The following FGF6 variants were observed in gnomAD, a reference collection of about 807,000 sequenced individuals.
The protein encoded by FGF6 is FGF-6.
Under a neutral mutation model 18.4 loss-of-function variants are expected in FGF6, and 14 were observed. The ratio of observed to expected loss-of-function variants is 0.76; its 90% CI spans 0.50 to 1.19. The LOEUF (loss-of-function observed/expected upper bound fraction) is 1.19. FGF6 is among the 50% of genes most tolerant of loss of function. The pLI is 0.00. For missense variants in FGF6, 266 were observed against 271.6 expected, an observed-to-expected ratio of 0.98 and a Z score of 0.15; for synonymous variants, 125 against 116.7, an observed-to-expected ratio of 1.07 and a Z score of -0.46.
At chr12:4,443,128 T>C (rs1025754682) in intron 2 of FGF6, among the ~76,000 whole-genome samples, 13 of 152,126 alleles carry the variant, frequency 8.5e-5, no homozygotes, top group African/African-American at 3.1e-4. Context: ...GCACTAAAGA[T>C]TATGGGGTGG....
intron 2 of FGF6, among the ~76,000 whole-genome samples, chr12:4,441,701 C>A (rs771219623): frequency 3.3e-5 from 5 of 152,136 alleles, no homozygotes; most frequent in South Asian, 2.1e-4. Context: ...TTCCCTCCCC[C>A]ACCCATGAGA....
At chr12:4,436,041 C>T (rs916352723) in intron 2 of FGF6, among the ~76,000 whole-genome samples, 5 of 152,272 alleles carry the variant, frequency 3.3e-5, no homozygotes, top group East Asian at 1.9e-4. Flanking sequence ...AAAACCCGCT[C>T]GATGGCTACT....
chr12:4,434,248 G>T lies in FGF6; in HGVS notation c.594C>A (p.Ile198=), dbSNP rs2137024988. 1.2e-6 allele frequency: 2 copies of T among 1,614,184 alleles called. No individual in the cohort carries two copies. The highest frequency in any genetic ancestry group is 1.1e-5 in the South Asian group (1 of 91,076). ...TGGGAAGGAAATGAGTGACAGTCAT[G>T]ATCGGGGACACCTTGCTGCCCCGCT... ...RVKRGSKVSP[I]MTVTHFLPRI The change falls in exon 3 of 3, where the codon ATC becomes ATA. Residue 198 remains isoleucine, a synonymous_variant. Transcript: ENST00000228837.
At position 4,440,337 on chromosome 12, in the gene FGF6, C is replaced by T. The variant is rs78548990; in HGVS notation, c.450+3796G>A. Among the ~76,000 whole-genome samples, 1,044 of 152,278 alleles carry T rather than the reference C, an allele frequency of 6.9e-3. 15 individuals are homozygous for T. Among genetic ancestry groups the T allele is most frequent in the African/African-American group, 0.022 (917 of 41,562 alleles). ...GAGGTGGACAAGACAGCCACCCTCT[C>T]GCCTTTAGAGCTAAGTCACTTGGAC... On this transcript the variant is annotated intron_variant, in intron 2 of 2. Transcript: ENST00000228837.
At chr12:4,437,880 T>G (rs993780817) in intron 2 of FGF6, among the ~76,000 whole-genome samples, 7 of 152,062 alleles carry the variant, frequency 4.6e-5, no homozygotes, top group Non-Finnish European at 8.8e-5. Flanking sequence ...AAGTTTTTTT[T>G]AATAAACTCA....
chr12:4,439,260 G>A (rs17177298), intron 2 of FGF6, among the ~76,000 whole-genome samples: 5,508 of 152,174 alleles, frequency 0.036, 137 homozygotes, highest in Middle Eastern at 0.095. Context: ...GTTGGGTCAC[G>A]GCCCCTCTCC....
chr12:4,442,148 T>G (rs1865699470), intron 2 of FGF6, among the ~76,000 whole-genome samples: 1 of 152,054 alleles, frequency 6.6e-6, no homozygotes, highest in Non-Finnish European at 1.5e-5. Context: ...TCTGCTTGTT[T>G]AGTAAGCCCA....
At chr12:4,442,388 A>G (rs542763578) in intron 2 of FGF6, among the ~76,000 whole-genome samples, 1 of 152,272 alleles carries the variant, frequency 6.6e-6, no homozygotes, top group African/African-American at 2.4e-5. Context: ...AGAGATTGAA[A>G]GTGGGAAGTG....
At chr12:4,442,419 G>A (rs1865702927) in intron 2 of FGF6, among the ~76,000 whole-genome samples, 1 of 152,092 alleles carries the variant, frequency 6.6e-6, no homozygotes, top group East Asian at 1.9e-4. Context: ...CTCTATATTT[G>A]TGCATTTTCT....
chr12:4,440,704 G>A (rs781479183), intron 2 of FGF6, among the ~76,000 whole-genome samples: 4 of 152,192 alleles, frequency 2.6e-5, no homozygotes, highest in South Asian at 2.1e-4. Flanking sequence ...TGTAGCAGGC[G>A]GGGATTTGTA....
chr12:4,435,922 C>T (rs1053413146), intron 2 of FGF6, among the ~76,000 whole-genome samples: 2 of 152,018 alleles, frequency 1.3e-5, no homozygotes, highest in South Asian at 4.1e-4. Flanking sequence ...GCTAGAAGAA[C>T]AGAGAGCGAG....
chr12:4,445,469 C>T lies in FGF6; in HGVS notation c.102G>A (p.Met34Ile). The T allele has an allele frequency of 1.9e-6, 3 of 1,613,300 alleles. No individual in the cohort carries two copies. The highest frequency in any genetic ancestry group is 2.5e-6 in the Non-Finnish European group (3 of 1,179,980). Reference sequence around the variant, plus strand: ...GGGTGCCTGCAGGCGAGGGCACCACCATGCCCACTAGGATGCCTAGGAAGA... The same window carrying T: ...GGGTGCCTGCAGGCGAGGGCACCACTATGCCCACTAGGATGCCTAGGAAGA... ...ALVFLGILVG[M>I]VVPSPAGTRA... The change falls in exon 1 of 3, where the codon ATG becomes ATA. Residue 34 changes from methionine (M) to isoleucine (I), a missense_variant. Transcript: ENST00000228837. This position sits in a 1 kb window ranked among gnomAD's most constrained non-coding sequence, Gnocchi z 5.5.
chr12:4,439,002 G>A (rs1042739423), intron 2 of FGF6, among the ~76,000 whole-genome samples: 2 of 152,142 alleles, frequency 1.3e-5, no homozygotes, highest in African/African-American at 4.8e-5. Flanking sequence ...TTTCTGGAAC[G>A]ATATACTGGA....
intron 2 of FGF6, among the ~76,000 whole-genome samples, chr12:4,440,347 G>T (rs1429147100): frequency 6.6e-6 from 1 of 152,202 alleles, no homozygotes; most frequent in East Asian, 1.9e-4. Flanking sequence ...CGCCTTTAGA[G>T]CTAAGTCACT....
rs561888200 is a variant in FGF6 at position 4,445,142 on chromosome 12, C to T, written c.346+83G>A. On this transcript the variant is annotated intron_variant, in intron 1 of 2. Coordinates refer to ENST00000228837, the MANE Select transcript of FGF6 (RefSeq NM_020996.3). This position sits in a 1 kb window ranked among gnomAD's most constrained non-coding sequence, Gnocchi z 5.5. Reference sequence around the variant, plus strand: ...TGCCCCCTTTATCGTGCATCCTGTCCGCTAGAGCAGGGCCCCTTCACCTTT... The same window carrying T: ...TGCCCCCTTTATCGTGCATCCTGTCTGCTAGAGCAGGGCCCCTTCACCTTT... 894 of 1,180,354 alleles carry T rather than the reference C, an allele frequency of 7.6e-4. 4 individuals carry two copies. Among genetic ancestry groups the T allele is most frequent in the East Asian group, 8.9e-4 (35 of 39,200 alleles). 73.1% of individuals were successfully genotyped at this position (1,180,354 alleles called of 1,614,324 possible).
At chr12:4,437,783 G>A (rs1410916262) in intron 2 of FGF6, among the ~76,000 whole-genome samples, 7 of 151,934 alleles carry the variant, frequency 4.6e-5, no homozygotes, top group African/African-American at 7.3e-5. Flanking sequence ...AGTTTGATGT[G>A]TATGACTTTA....
At chr12:4,435,716 A>G (rs1397334663) in intron 2 of FGF6, among the ~76,000 whole-genome samples, 1 of 152,178 alleles carries the variant, frequency 6.6e-6, no homozygotes, top group Non-Finnish European at 1.5e-5. Context: ...TGTTCAGAAC[A>G]TGAACGCTGG....
At position 4,445,394 on chromosome 12, in the gene FGF6, G is replaced by A. The variant is rs1865750243; in HGVS notation, c.177C>T (p.Ser59=). The change falls in exon 1 of 3, where the codon TCC becomes TCT. Residue 59 remains serine, a synonymous_variant. Coordinates refer to ENST00000228837, the MANE Select transcript of FGF6 (RefSeq NM_020996.3). This position sits in a 1 kb window ranked among gnomAD's most constrained non-coding sequence, Gnocchi z 5.5. Reference sequence around the variant, plus strand: ...CTCCAGCTAGCCCGGCGCGAGACCTGGACAGCAGGGTGCCCCAGCCCCTCG... The same window carrying A: ...CTCCAGCTAGCCCGGCGCGAGACCTAGACAGCAGGGTGCCCCAGCCCCTCG... The part of the protein sequence containing the change: ...LDSRGWGTLL[S]RSRAGLAGEI... 5.6e-6 allele frequency: 9 copies of A among 1,613,694 alleles called. No individual in the cohort carries two copies. The highest frequency in any genetic ancestry group is 7.6e-6 in the Non-Finnish European group (9 of 1,180,026).
chr12:4,435,444 G>A (rs17183751), intron 2 of FGF6, among the ~76,000 whole-genome samples: 4 of 152,180 alleles, frequency 2.6e-5, no homozygotes, highest in Admixed American at 1.3e-4. Context: ...TCCCCAAACC[G>A]TCCCCCCATG....
Sources: gnomAD v4.1 joint callset for allele counts (sites outside exome capture counted in the v4.1 genomes callset) on GRCh38, gnomAD v4.1.1 for gene constraint, Gnocchi (gnomAD v3.1) non-coding constraint, MANE v1.5 for transcripts, NCBI Gene and HGNC (gene_info 2026-07-23, HGNC 2026-07-21) for gene names.